Variants in KCND2 observed in about 807,000 individuals in gnomAD.
KCND2 encodes the protein potassium voltage-gated channel subfamily D member 2, also known as A-type voltage-gated potassium channel KCND2.
A neutral mutation model predicts 54.4 loss-of-function variants in KCND2; 16 were observed. That is an observed-to-expected ratio of 0.29 (90% CI 0.20 to 0.45). The LOEUF is 0.45. Among genes scored for constraint, KCND2 ranks in the 20% least tolerant of loss-of-function variants. The probability of loss-of-function intolerance (pLI) is 1.00; values close to 1 mark genes in which losing one functional copy is unlikely to be tolerated. For missense variants in KCND2, 486 were observed against 824.2 expected, an observed-to-expected ratio of 0.59 and a Z score of 5.02; for synonymous variants, 317 against 310.7, an observed-to-expected ratio of 1.02 and a Z score of -0.21.
intron 1 of KCND2, among the ~76,000 whole-genome samples, chr7:120,672,534 T>C (rs906392172): frequency 1.3e-5 from 2 of 152,148 alleles, no homozygotes; most frequent in African/African-American, 4.8e-5. Context: ...TTAAGTCCTC[T>C]TTCTGCGTCC....
At chr7:120,421,904 A>G (rs1296628138) in intron 1 of KCND2, among the ~76,000 whole-genome samples, 1 of 152,192 alleles carries the variant, frequency 6.6e-6, no homozygotes, top group Non-Finnish European at 1.5e-5. Flanking sequence ...ACTAGTGGCC[A>G]CTTTTCAGGG....
chr7:120,369,590 A>T (rs1177617933), intron 1 of KCND2, among the ~76,000 whole-genome samples: 1 of 152,016 alleles, frequency 6.6e-6, no homozygotes, highest in Non-Finnish European at 1.5e-5. Context: ...ATGAATATGA[A>T]ATCCCTCATT....
chr7:120,659,308 G>C (rs1445900779), intron 1 of KCND2, among the ~76,000 whole-genome samples: 1 of 123,328 alleles, frequency 8.1e-6, no homozygotes, highest in Non-Finnish European at 1.6e-5. Context: ...TCCCACAATA[G>C]GACTAAAGAG....
chr7:120,436,627 A>G (rs924701587), intron 1 of KCND2, among the ~76,000 whole-genome samples: 3 of 152,310 alleles, frequency 2.0e-5, no homozygotes, highest in East Asian at 3.9e-4. Flanking sequence ...CTCTGTCTAC[A>G]AAATGCCAGG....
At chr7:120,739,803 A>G (rs1369874610) in intron 2 of KCND2, among the ~76,000 whole-genome samples, 1 of 118,298 alleles carries the variant, frequency 8.5e-6, no homozygotes, top group East Asian at 2.1e-4. Context: ...AAAGAAACAC[A>G]CACACACACA....
chr7:120,667,325 A>G (rs1791939433), intron 1 of KCND2, among the ~76,000 whole-genome samples: 1 of 152,090 alleles, frequency 6.6e-6, no homozygotes, highest in Admixed American at 6.5e-5. Context: ...TTGTAGATAC[A>G]TGTACTTACA....
At chr7:120,308,585 C>T (rs1324946324) in intron 1 of KCND2, among the ~76,000 whole-genome samples, 1 of 152,116 alleles carries the variant, frequency 6.6e-6, no homozygotes, top group Non-Finnish European at 1.5e-5. Context: ...TATATTGGTC[C>T]ATACAATTTG....
intron 1 of KCND2, among the ~76,000 whole-genome samples, chr7:120,407,320 A>G (rs1272898674): frequency 6.6e-6 from 1 of 152,032 alleles, no homozygotes; most frequent in Non-Finnish European, 1.5e-5. Flanking sequence ...ATTAGAGAGT[A>G]AGAATGTAGA....
intron 4 of KCND2, among the ~76,000 whole-genome samples, chr7:120,742,923 CT>C (rs1290506181): frequency 1.3e-5 from 2 of 152,070 alleles, no homozygotes; most frequent in Non-Finnish European, 2.9e-5. Context: ...TTCTGTGATT[CT>C]TAAAATGCGA....
At chr7:120,652,524 A>G (rs761445347) in intron 1 of KCND2, among the ~76,000 whole-genome samples, 1 of 152,220 alleles carries the variant, frequency 6.6e-6, no homozygotes, top group Non-Finnish European at 1.5e-5. Context: ...AAACAATGAA[A>G]TGACACATTG....
chr7:120,743,063 T>C (rs939946165), intron 4 of KCND2, among the ~76,000 whole-genome samples: 3 of 152,174 alleles, frequency 2.0e-5, no homozygotes, highest in African/African-American at 7.2e-5. Flanking sequence ...CCATAATGAA[T>C]AGAGATAGAT....
At chr7:120,722,036 A>G (rs920006852) in intron 1 of KCND2, among the ~76,000 whole-genome samples, 5 of 152,070 alleles carry the variant, frequency 3.3e-5, no homozygotes, top group African/African-American at 9.7e-5. Flanking sequence ...ATCTTCCTCC[A>G]TGATTGTGAG....
chr7:120,738,679 G>T (rs1172251127), intron 2 of KCND2, among the ~76,000 whole-genome samples: 7 of 151,996 alleles, frequency 4.6e-5, no homozygotes, highest in Non-Finnish European at 8.8e-5. Context: ...TGTCCTAAAA[G>T]GGTCGGGGGT....
intron 1 of KCND2, among the ~76,000 whole-genome samples, chr7:120,471,820 G>C (rs1001046034): frequency 1.3e-5 from 2 of 151,980 alleles, no homozygotes; most frequent in African/African-American, 4.8e-5. Flanking sequence ...GAGTATTATA[G>C]AGTATTGGAG....
At chr7:120,452,096 A>C (rs1218135166) in intron 1 of KCND2, among the ~76,000 whole-genome samples, 2 of 152,252 alleles carry the variant, frequency 1.3e-5, no homozygotes, top group Non-Finnish European at 2.9e-5. Flanking sequence ...ATACAAGTAT[A>C]TAGAACATAT....
intron 1 of KCND2, among the ~76,000 whole-genome samples, chr7:120,539,510 G>A (rs944089284): frequency 6.6e-6 from 1 of 152,188 alleles, no homozygotes; most frequent in Non-Finnish European, 1.5e-5. Context: ...ACTGAAAAAC[G>A]AGGCTCTCCA....
intron 4 of KCND2, among the ~76,000 whole-genome samples, chr7:120,744,172 G>A (rs1005630248): frequency 3.3e-5 from 5 of 152,250 alleles, no homozygotes; most frequent in Middle Eastern, 6.8e-3. Context: ...TGAGGCAGGA[G>A]AATTGCTTGA....
At chr7:120,560,420 C>T (rs1037048975) in intron 1 of KCND2, among the ~76,000 whole-genome samples, 95 of 152,002 alleles carry the variant, frequency 6.2e-4, no homozygotes, top group African/African-American at 2.0e-3. Context: ...GACGGAAAAG[C>T]GACAGTAAAA....
intron 1 of KCND2, among the ~76,000 whole-genome samples, chr7:120,359,562 TC>T (rs1421938587): frequency 6.6e-6 from 1 of 152,166 alleles, no homozygotes; most frequent in East Asian, 1.9e-4. Context: ...TCCTCGTTAT[TC>T]CCTTATCTTT....
Sources: allele counts gnomAD v4.1 joint callset (sites outside exome capture counted in the v4.1 genomes callset), GRCh38; gene constraint gnomAD v4.1.1; transcripts MANE v1.5; gene names NCBI Gene and HGNC (gene_info 2026-07-23, HGNC 2026-07-21).